Variants in KSR2 observed in about 807,000 individuals in gnomAD.
The protein encoded by KSR2 is kinase suppressor of ras 2.
Under a neutral mutation model 107.8 loss-of-function variants are expected in KSR2, and 25 were observed. The observed-to-expected ratio is 0.23, with a 90% confidence interval of 0.17 to 0.32. The LOEUF is 0.32. Ranked by LOEUF, KSR2 falls within the 10% of genes least tolerant of loss-of-function variation. KSR2 has a pLI of 1.00. For synonymous variants in KSR2, 480 were observed against 507.0 expected, an observed-to-expected ratio of 0.95 and a Z score of 0.71; for missense variants, 887 against 1,268.9, an observed-to-expected ratio of 0.70 and a Z score of 4.57.
chr12:117,459,205 T>G lies in KSR2; in HGVS notation c.*7994A>C, dbSNP rs1458771837. 1 of 152,242 alleles carries G rather than the reference T, an allele frequency of 6.6e-6. No homozygotes were observed. Among genetic ancestry groups the G allele is most frequent in the African/African-American group, 2.4e-5 (1 of 41,432 alleles). 9.4% of individuals were successfully genotyped at this position (152,242 alleles called of 1,614,324 possible). On this transcript the variant is annotated 3_prime_UTR_variant, in exon 20 of 20. Coordinates refer to ENST00000339824, the MANE Select transcript of KSR2 (RefSeq NM_173598.6). ...CTGAGAAGAAACATCTGCAGAGCGC[T>G]GATAGACTGTCCACCAACTACAGCC... is the stretch of plus-strand genomic sequence containing the variant.
At chr12:117,605,644 A>C (rs970398034) in intron 5 of KSR2, among the ~76,000 whole-genome samples, 11 of 152,212 alleles carry the variant, frequency 7.2e-5, no homozygotes, top group Non-Finnish European at 1.5e-4. Context: ...AAGGAATAGA[A>C]ATCATTCTAT....
intron 3 of KSR2, among the ~76,000 whole-genome samples, chr12:117,784,109 G>A (rs78972533): frequency 6.6e-6 from 1 of 152,156 alleles, no homozygotes; most frequent in African/African-American, 2.4e-5. Flanking sequence ...GGTATATTGT[G>A]TGATGCTCAG....
rs959875828 is a variant in KSR2, at chr12:117,460,536, A to G, written c.*6663T>C. 3 of 152,224 alleles carry G rather than the reference A, an allele frequency of 2.0e-5. No homozygotes were observed. The highest frequency in any genetic ancestry group is 7.2e-5 in the African/African-American group (3 of 41,454). 9.4% of individuals were successfully genotyped at this position (152,224 alleles called of 1,614,324 possible). On this transcript the variant is annotated 3_prime_UTR_variant, in exon 20 of 20. Coordinates refer to ENST00000339824, the MANE Select transcript of KSR2 (RefSeq NM_173598.6). ...GCTGGCAGCCTGTCAGTTTGAGAAC[A>G]TAAGTTCAAGCTTCCGTGCAAACTC... is the stretch of plus-strand genomic sequence containing the variant.
intron 3 of KSR2, among the ~76,000 whole-genome samples, chr12:117,853,689 G>A (rs927198290): frequency 1.3e-5 from 2 of 152,014 alleles, no homozygotes; most frequent in African/African-American, 4.8e-5. Context: ...TTCTCACTGT[G>A]GGTAAAGAGA....
At chr12:117,666,022 C>A (rs970112543) in intron 5 of KSR2, among the ~76,000 whole-genome samples, 5 of 152,196 alleles carry the variant, frequency 3.3e-5, no homozygotes, top group Admixed American at 2.6e-4. Context: ...GCAGTGATTT[C>A]TCTGGACAAA....
intron 4 of KSR2, among the ~76,000 whole-genome samples, chr12:117,721,605 C>T (rs1405338656): frequency 2.0e-5 from 3 of 152,306 alleles, no homozygotes; most frequent in Middle Eastern, 3.4e-3. Context: ...TGAGCCCCCA[C>T]TTCCCAACGA....
intron 5 of KSR2, among the ~76,000 whole-genome samples, chr12:117,631,310 A>T (rs1217444299): frequency 6.6e-6 from 1 of 152,188 alleles, no homozygotes; most frequent in Non-Finnish European, 1.5e-5. Context: ...CTAAATAAAG[A>T]AATAAATAAA....
At chr12:117,856,160 C>T (rs1249434246) in intron 2 of KSR2, among the ~76,000 whole-genome samples, 1 of 152,156 alleles carries the variant, frequency 6.6e-6, no homozygotes, top group Non-Finnish European at 1.5e-5. Flanking sequence ...GTTTTTGAGC[C>T]CCATGGGGCA....
intron 5 of KSR2, among the ~76,000 whole-genome samples, chr12:117,657,568 T>G (rs1456691447): frequency 6.6e-6 from 1 of 152,162 alleles, no homozygotes; most frequent in Non-Finnish European, 1.5e-5. Flanking sequence ...TCTTGGACAC[T>G]TGCTTCCCTA....
chr12:117,679,808 T>C (rs1440062908), intron 4 of KSR2, among the ~76,000 whole-genome samples: 2 of 151,834 alleles, frequency 1.3e-5, no homozygotes, highest in African/African-American at 2.4e-5. Context: ...AGAACAGGGG[T>C]TCTAGAAGAA....
At chr12:117,704,038 G>A (rs755632614) in intron 4 of KSR2, among the ~76,000 whole-genome samples, 9 of 152,150 alleles carry the variant, frequency 5.9e-5, no homozygotes, top group Admixed American at 6.5e-5. Flanking sequence ...TTTGATCTGT[G>A]CACTGCTTCC....
chr12:117,871,611 G>A (rs189796541), intron 1 of KSR2, among the ~76,000 whole-genome samples: 1 of 150,742 alleles, frequency 6.6e-6, no homozygotes, highest in African/African-American at 2.4e-5. Context: ...AAAAAAAAAT[G>A]TCAGATGAAA....
At chr12:117,916,706 C>A (rs1895185211) in intron 1 of KSR2, among the ~76,000 whole-genome samples, 1 of 152,142 alleles carries the variant, frequency 6.6e-6, no homozygotes, top group African/African-American at 2.4e-5. Flanking sequence ...CTTCCTCATG[C>A]CACAGGATAA....
intron 1 of KSR2, among the ~76,000 whole-genome samples, chr12:117,885,037 T>C (rs1164255646): frequency 6.6e-6 from 1 of 151,988 alleles, no homozygotes; most frequent in Non-Finnish European, 1.5e-5. Flanking sequence ...AAGCCGAATA[T>C]CCTTGGATAT....
At chr12:117,597,930 G>A (rs1223503307) in intron 5 of KSR2, among the ~76,000 whole-genome samples, 1 of 152,218 alleles carries the variant, frequency 6.6e-6, no homozygotes, top group South Asian at 2.1e-4. Context: ...TTTCACAGGA[G>A]AGAAAACCGC....
At chr12:117,768,624 G>A (rs1197330750) in intron 3 of KSR2, among the ~76,000 whole-genome samples, 1 of 152,210 alleles carries the variant, frequency 6.6e-6, no homozygotes, top group African/African-American at 2.4e-5. Flanking sequence ...CAGGAGCCCA[G>A]CCTGAGGCTC....
At chr12:117,677,000 T>G (rs1885159810) in intron 4 of KSR2, among the ~76,000 whole-genome samples, 1 of 152,032 alleles carries the variant, frequency 6.6e-6, no homozygotes, top group African/African-American at 2.4e-5. Context: ...CACTGACAAG[T>G]GGAGAAGGGT....
chr12:117,767,064 G>A (rs1387839355), intron 3 of KSR2, among the ~76,000 whole-genome samples: 1 of 151,660 alleles, frequency 6.6e-6, no homozygotes, highest in Admixed American at 6.6e-5. Context: ...CTCCCAAAGT[G>A]CTGGAATTAC....
intron 14 of KSR2, among the ~76,000 whole-genome samples, chr12:117,496,309 A>G (rs138457531): frequency 7.9e-4 from 120 of 152,258 alleles, no homozygotes; most frequent in African/African-American, 2.8e-3. Flanking sequence ...GGAAATGGTA[A>G]CCTGGCATTC....
Sources: gnomAD v4.1 joint callset for allele counts (sites outside exome capture counted in the v4.1 genomes callset) on GRCh38, gnomAD v4.1.1 for gene constraint, MANE v1.5 for transcripts, NCBI Gene and HGNC (gene_info 2026-07-23, HGNC 2026-07-21) for gene names.